The following TMC3 variants were observed in gnomAD, a reference collection of about 807,000 sequenced individuals.
TMC3 encodes transmembrane channel-like protein 3.
TMC3 carries 98 observed loss-of-function variants against 110.6 expected under a neutral mutation model. The ratio of observed to expected loss-of-function variants is 0.89; its 90% CI spans 0.75 to 1.05. TMC3 has a LOEUF of 1.05. Ranked by LOEUF, TMC3 falls within the 50% of genes least tolerant of loss-of-function variation. TMC3 has a pLI of 0.00. For synonymous variants in TMC3, 489 were observed against 513.1 expected, an observed-to-expected ratio of 0.95 and a Z score of 0.63; for missense variants, 1,319 against 1,373.2, an observed-to-expected ratio of 0.96 and a Z score of 0.62.
Position 81,344,926 on chromosome 15 carries a change from C to G in TMC3, c.1358G>C (p.Trp453Ser). Residue 453 changes from tryptophan to serine, a missense_variant, in exon 13 of 22, where the codon TGG (tryptophan) becomes TCG (serine). Transcript: ENST00000359440. ...ATRTAPEEEK[W>S]STSRPGMGLR... ...CCCCATTCCAGGCCGAGATGTGGAC[C>G]ATTTCTCTTCTTCAGGGGCTGTCCT... 2 of 1,613,744 alleles carry G rather than the reference C, an allele frequency of 1.2e-6. No homozygotes were observed. Among genetic ancestry groups the G allele is most frequent in the African/African-American group, 2.7e-5 (2 of 75,000 alleles).
Position 81,341,374 on chromosome 15 carries a change from T to C in TMC3, c.1844+16A>G. ...ATATATAGTTATCTGCATGATCAGA[T>C]CTTATTCTTACTCACCTTGAGGCTC... On this transcript the variant is annotated intron_variant, in intron 16 of 21. Coordinates refer to ENST00000359440, the MANE Select transcript of TMC3 (RefSeq NM_001080532.3). 6.2e-7 allele frequency: 1 copy of C among 1,603,890 alleles called. No individual in the cohort carries two copies. Among genetic ancestry groups the C allele is most frequent in the African/African-American group, 1.3e-5 (1 of 74,706 alleles).
intron 13 of TMC3, 91 bp from the exon 14 acceptor site, chr15:81,344,136 TGTGGGCCCCAGCCA>T (rs1443064126): frequency 1.4e-6 from 2 of 1,429,678 alleles, no homozygotes; most frequent in African/African-American, 1.4e-5. Flanking sequence ...TGTTCATTCT[TGTGGGCCCCAGCCA>T]GTGGGCCCCT....
At chr15:81,338,631 A>G (rs561782760) in intron 18 of TMC3, 24 bp downstream of exon 18, 1 of 1,608,030 alleles carries the variant, frequency 6.2e-7, no homozygotes, top group Non-Finnish European at 8.5e-7. Context: ...AAGTCCCTCC[A>G]AAGCTGGCAG....
intron 7 of TMC3, 130 bp from the exon 8 acceptor site, chr15:81,356,724 AG>A (rs1197327610): frequency 2.0e-6 from 2 of 990,226 alleles, no homozygotes; most frequent in African/African-American, 3.3e-5. Flanking sequence ...CTCGGGTCAC[AG>A]CTTGGACAGG....
At chr15:81,353,591 C>T (rs373576319) in intron 9 of TMC3, among the ~76,000 whole-genome samples, 5 of 152,156 alleles carry the variant, frequency 3.3e-5, no homozygotes, top group Non-Finnish European at 7.3e-5. Flanking sequence ...CAATTGCCTA[C>T]GGTATTTAAT....
intron 10 of TMC3, among the ~76,000 whole-genome samples, chr15:81,350,128 G>A (rs1379981378): frequency 6.6e-6 from 1 of 151,272 alleles, no homozygotes; most frequent in African/African-American, 2.4e-5. Flanking sequence ...CCAGCTTGTT[G>A]GGAAACTGTG....
chr15:81,364,485 G>C (rs2141421887), intron 3 of TMC3, among the ~76,000 whole-genome samples: 1 of 139,618 alleles, frequency 7.2e-6, no homozygotes, highest in East Asian at 2.1e-4. Flanking sequence ...TGAACAATGA[G>C]ATCACATGGA....
chr15:81,361,356 A>G lies in TMC3; in HGVS notation c.394+864T>C, dbSNP rs116474769. Among the ~76,000 whole-genome samples, 1,131 of 152,306 alleles carry G rather than the reference A, an allele frequency of 7.4e-3. 22 individuals carry two copies. Among genetic ancestry groups the G allele is most frequent in the African/African-American group, 0.026 (1,075 of 41,562 alleles). On this transcript the variant is annotated intron_variant, in intron 4 of 21. Transcript: ENST00000359440. ...ATATTTATGCAGTAGACTGACTTCAATAATTATTGCATGCTAAAAGTCTAA... is the reference window on the plus strand; with the variant it reads ...ATATTTATGCAGTAGACTGACTTCAGTAATTATTGCATGCTAAAAGTCTAA...
chr15:81,355,917 C>A, intron 8 of TMC3, 149 bp from the exon 9 acceptor site: 2 of 571,106 alleles, frequency 3.5e-6, no homozygotes, highest in Non-Finnish European at 6.1e-6. Flanking sequence ...AATTAGATAT[C>A]AATAATCTAA....
At position 81,334,888 on chromosome 15, in the gene TMC3, G is replaced by A; in HGVS notation, c.2291C>T (p.Thr764Ile). ...TSQLSSAHSGTPQNNGNVAHF... is the reference protein window; with the variant it reads ...TSQLSSAHSGIPQNNGNVAHF... ...GGCCACGTTGCCGTTGTTTTGGGGT[G>A]TGCCCGAGTGCGCTGAGGACAGCTG... The change falls in exon 21 of 22, where the codon ACA (threonine) becomes ATA (isoleucine). Residue 764 changes from threonine (T) to isoleucine (I), a missense_variant. Coordinates refer to ENST00000359440, the MANE Select transcript of TMC3 (RefSeq NM_001080532.3). The A allele has an allele frequency of 1.2e-6, 2 of 1,614,070 alleles. No homozygotes were observed. The highest frequency in any genetic ancestry group is 1.7e-5 in the Admixed American group (1 of 60,034).
intron 19 of TMC3, chr15:81,337,525 A>G: frequency 2.2e-6 from 1 of 445,282 alleles, no homozygotes; most frequent in Non-Finnish European, 4.1e-6. Flanking sequence ...CTGCCAATCT[A>G]CCAGAGCTCA....
intron 4 of TMC3, among the ~76,000 whole-genome samples, chr15:81,361,734 C>G (rs917829413): frequency 6.6e-5 from 10 of 152,140 alleles, no homozygotes; most frequent in African/African-American, 1.9e-4. Flanking sequence ...AATTTTACCA[C>G]AGGATATTTT....
rs1893788646 is a variant in TMC3, at chr15:81,344,773, A to G, written c.1511T>C (p.Val504Ala). 1.9e-6 allele frequency: 3 copies of G among 1,613,788 alleles called. No homozygotes were observed. The East Asian group carries it at 6.7e-5, about 36-fold the overall frequency. Residue 504 changes from valine to alanine, a missense_variant, in exon 13 of 22, where the codon GTT becomes GCT. Physicochemically the swap from Val to Ala is moderately conservative, Grantham distance 64. Coordinates refer to ENST00000359440, the MANE Select transcript of TMC3 (RefSeq NM_001080532.3). Reference protein sequence around the residue: ...SPQDQCWETYVGQEMLKLSII... With the variant: ...SPQDQCWETYAGQEMLKLSII... The stretch of plus-strand genomic sequence containing the variant: ...AAGGGTAAAGAGAACCACCTGACCA[A>G]CGTATGTCTCCCAGCACTGGTCTTG...
In TMC3 at chr15:81,334,724, T is replaced by C. The variant is rs771413072; in HGVS notation, c.2455A>G (p.Asn819Asp). The C allele has an allele frequency of 6.2e-7, 1 of 1,613,414 alleles. No homozygotes were observed. Among genetic ancestry groups the C allele is most frequent in the South Asian group, 1.1e-5 (1 of 91,064 alleles). The part of the protein sequence containing the change: ...VPKSRLEHET[N>D]RYLHGLCAST... The stretch of plus-strand genomic sequence containing the variant: ...TGTGCTGCAGTGGAGCCTCACCTGT[T>C]AGTTTCATGCTCTAGCCTGGATTTG... Residue 819 changes from asparagine to aspartate, a missense_variant, in exon 21 of 22, where the codon AAC (asparagine) becomes GAC (aspartate). By Grantham distance (23) the Asn-to-Asp change is conservative. Transcript: ENST00000359440.
Position 81,332,512 on chromosome 15 carries a change from G to C in TMC3, c.3210C>G (p.Phe1070Leu). The change falls in exon 22 of 22, where the codon TTC (phenylalanine) becomes TTG (leucine). Residue 1070 changes from phenylalanine (F) to leucine (L), a missense_variant. Transcript: ENST00000359440. ...YLQVTHSQGR[F>L]PRSVGQPSRR... ...TGCTGGGCTGGCCCACGGACCTCGG[G>C]AACCTGCCCTGGCTGTGGGTGACCT... is the stretch of plus-strand genomic sequence containing the variant. 6.2e-7 allele frequency: 1 copy of C among 1,613,708 alleles called. No individual in the cohort carries two copies. Among genetic ancestry groups the C allele is most frequent in the African/African-American group, 1.3e-5 (1 of 75,050 alleles).
chr15:81,357,146 G>T (rs2141715514), intron 7 of TMC3, among the ~76,000 whole-genome samples: 1 of 152,074 alleles, frequency 6.6e-6, no homozygotes, highest in African/African-American at 2.4e-5. Context: ...TTGCTTCCAA[G>T]TTTGCTCTAA....
At chr15:81,339,328 G>C in intron 17 of TMC3, 66 bp downstream of exon 17, 3 of 1,214,680 alleles carry the variant, frequency 2.5e-6, no homozygotes, top group Non-Finnish European at 3.6e-6. Context: ...GGAGAATTCA[G>C]TTCAATATGA....
At chr15:81,343,758 A>C (rs1428628967) in intron 14 of TMC3, among the ~76,000 whole-genome samples, 159 bp downstream of exon 14, 1 of 152,046 alleles carries the variant, frequency 6.6e-6, no homozygotes, top group Admixed American at 6.5e-5. Flanking sequence ...AAAAAAAAAA[A>C]AGGAAGTAGA....
chr15:81,338,925 GATGGGGTCATTA>G (rs1350473993), intron 17 of TMC3, 145 bp from the exon 18 acceptor site: 6 of 874,214 alleles, frequency 6.9e-6, no homozygotes, highest in Non-Finnish European at 1.1e-5. Context: ...GAGGATGGAA[GATGGGGTCATTA>G]ATCACATTGC....
Sources: gnomAD v4.1 joint callset for allele counts (sites outside exome capture counted in the v4.1 genomes callset) on GRCh38, gnomAD v4.1.1 for gene constraint, MANE v1.5 for transcripts, NCBI Gene and HGNC (gene_info 2026-07-23, HGNC 2026-07-21) for gene names.